GJC2: variants seen among roughly 807,000 people sequenced by gnomAD.
GJC2 encodes the protein gap junction gamma-2 protein.
For missense variants in GJC2, 647 were observed against 648.9 expected (o/e 1.00, Z 0.03); for synonymous variants, 336 against 307.5 (o/e 1.09, Z -0.97).
intron 1 of GJC2, among the ~76,000 whole-genome samples, chr1:228,155,370 A>G (rs1326660019): frequency 6.6e-6 from 1 of 152,204 alleles, no homozygotes; most frequent in Admixed American, 6.5e-5. Context: ...AGTCACAGGC[A>G]GGGCAGGAGT....
chr1:228,155,688 G>T (rs981364995), intron 1 of GJC2, among the ~76,000 whole-genome samples: 1 of 140,398 alleles, frequency 7.1e-6, no homozygotes, highest in Non-Finnish European at 1.7e-5. Context: ...CCACTATGTG[G>T]GTGCAAGTGA....
rs1046663435 is a variant in GJC2 at position 228,150,832 on chromosome 1, C to T, written c.-20+825C>T. Among the ~76,000 whole-genome samples, 6 of 152,030 alleles carry T rather than the reference C, an allele frequency of 3.9e-5. No homozygotes were observed. Among genetic ancestry groups the T allele is most frequent in the South Asian group, 2.1e-4 (1 of 4,828 alleles). The stretch of plus-strand genomic sequence containing the variant: ...GGAAGAGACGGGTTCGTGGATCCTG[C>T]GGGTGGAGGGCAGGGACAGCCTTAG... On this transcript the variant is annotated intron_variant, in intron 1 of 1. Coordinates refer to ENST00000366714, the MANE Select transcript of GJC2 (RefSeq NM_020435.4). This position sits in a 1 kb window ranked among gnomAD's most constrained non-coding sequence, Gnocchi z 4.6.
intron 1 of GJC2, among the ~76,000 whole-genome samples, chr1:228,153,160 C>T (rs1346446206): frequency 6.6e-6 from 1 of 152,036 alleles, no homozygotes; most frequent in African/African-American, 2.4e-5. Flanking sequence ...CTAGACAGTG[C>T]CCACCTCAGC....
In GJC2 at chr1:228,150,188, C is replaced by A. The variant is rs2034595103; in HGVS notation, c.-20+181C>A. Among the ~76,000 whole-genome samples, 1 of 152,186 alleles carries A rather than the reference C, an allele frequency of 6.6e-6. No individual in the cohort carries two copies. The highest frequency in any genetic ancestry group is 2.1e-4 in the South Asian group (1 of 4,836). On this transcript the variant is annotated intron_variant, in intron 1 of 1. Coordinates refer to ENST00000366714, the MANE Select transcript of GJC2 (RefSeq NM_020435.4). This position sits in a 1 kb window ranked among gnomAD's most constrained non-coding sequence, Gnocchi z 4.6. ...CCCTCCTGGGCTCCGCTGCTCCACGCAGATGGTGGGGTGGCCCCCCCACTC... is the reference window on the plus strand; with the variant it reads ...CCCTCCTGGGCTCCGCTGCTCCACGAAGATGGTGGGGTGGCCCCCCCACTC...
chr1:228,154,982 C>A (rs899290784), intron 1 of GJC2, among the ~76,000 whole-genome samples: 1 of 152,202 alleles, frequency 6.6e-6, no homozygotes, highest in Non-Finnish European at 1.5e-5. Flanking sequence ...TGCATTGAGG[C>A]CTTTGCAGGC....
intron 1 of GJC2, among the ~76,000 whole-genome samples, chr1:228,156,589 G>A (rs1385571188): frequency 3.3e-5 from 5 of 152,252 alleles, no homozygotes; most frequent in Non-Finnish European, 4.4e-5. Flanking sequence ...CGGGTGGGGA[G>A]GCCTCAGCTG....
rs2034740792 is a variant in GJC2 at position 228,159,395 on chromosome 1, C to G, written c.*317C>G. ...TGGAATAGGTCCTCTGGGATGCCAGCTCTCCCCTTTGTGCTTCCCTGCAGC... is the reference window on the plus strand; with the variant it reads ...TGGAATAGGTCCTCTGGGATGCCAGGTCTCCCCTTTGTGCTTCCCTGCAGC... On this transcript the variant is annotated 3_prime_UTR_variant, in exon 2 of 2. Coordinates refer to ENST00000366714, the MANE Select transcript of GJC2 (RefSeq NM_020435.4). This position sits in a 1 kb window ranked among gnomAD's most constrained non-coding sequence, Gnocchi z 4.0. 2.7e-6 allele frequency: 1 copy of G among 366,110 alleles called. No individual in the cohort carries two copies. The highest frequency in any genetic ancestry group is 5.2e-6 in the Non-Finnish European group (1 of 191,970). 22.7% of individuals were successfully genotyped at this position (366,110 alleles called of 1,614,324 possible). A position where few individuals can be genotyped will look rare whatever the true frequency, so the allele number is the denominator to read the frequency against.
At position 228,157,736 on chromosome 1, in the gene GJC2, A is replaced by ACCGGGGGGGGGGGG; in HGVS notation, c.-19-3_-19-2insCGGGGGGGGGGGGC. 4.4e-6 allele frequency: 3 copies of ACCGGGGGGGGGGGG among 677,008 alleles called. No individual in the cohort carries two copies. The highest frequency in any genetic ancestry group is 5.4e-6 in the Non-Finnish European group (2 of 369,354). The allele number at this position is 677,008 out of a possible 1,614,324, so 41.9% of individuals were successfully genotyped here. A position where few individuals can be genotyped will look rare whatever the true frequency, so the allele number is the denominator to read the frequency against. ...CCCTGGCTGACCCCTACCCCGCCCC[A>ACCGGGGGGGGGGGG]CAGGACCCGCCCGCCCGCCCCTATG... is the stretch of plus-strand genomic sequence containing the variant. On this transcript the variant is annotated splice_region_variant and splice_polypyrimidine_tract_variant and intron_variant, in intron 1 of 1. Coordinates refer to ENST00000366714, the MANE Select transcript of GJC2 (RefSeq NM_020435.4).
Position 228,150,172 on chromosome 1 carries a change from G to T in GJC2, c.-20+165G>T, listed in dbSNP as rs527647939. Among the ~76,000 whole-genome samples the T allele has an allele frequency of 2.0e-5, 3 of 152,256 alleles. No homozygotes were observed. The South Asian group carries it at 6.2e-4, about 32-fold the overall frequency. On this transcript the variant is annotated intron_variant, in intron 1 of 1. Transcript: ENST00000366714. The surrounding 1 kb of genome is among the most constrained non-coding windows in gnomAD (Gnocchi z 4.6). ...CCTTGCGCCTGCCACCCCCTCCTGG[G>T]CTCCGCTGCTCCACGCAGATGGTGG...
chr1:228,158,083 G>A lies in GJC2; in HGVS notation c.325G>A (p.Glu109Lys), dbSNP rs1227595300. ...VHRLARASEQ[E>K]RRRALRRRPG... is the part of the protein sequence containing the mutation. The stretch of plus-strand genomic sequence containing the variant: ...CCGCCTGGCCCGTGCGTCTGAGCAG[G>A]AGCGGCGCCGCGCCCTCCGCCGCCG... The change falls in exon 2 of 2, where the codon GAG (glutamate) becomes AAG (lysine). Residue 109 changes from glutamate to lysine, a missense_variant. By Grantham distance (56) the Glu-to-Lys change is moderately conservative. Coordinates refer to ENST00000366714, the MANE Select transcript of GJC2 (RefSeq NM_020435.4). This position sits in a 1 kb window ranked among gnomAD's most constrained non-coding sequence, Gnocchi z 8.3. 1.9e-6 allele frequency: 3 copies of A among 1,580,750 alleles called. No individual in the cohort carries two copies. Among genetic ancestry groups the A allele is most frequent in the South Asian group, 2.2e-5 (2 of 89,290 alleles).
At position 228,158,313 on chromosome 1, in the gene GJC2, C is replaced by T. The variant is rs1372431737; in HGVS notation, c.555C>T (p.Asp185=). The change falls in exon 2 of 2, where the codon GAC becomes GAT. Residue 185 remains aspartate (D), a synonymous_variant. Transcript: ENST00000366714. This position sits in a 1 kb window ranked among gnomAD's most constrained non-coding sequence, Gnocchi z 8.3. ...CGTGCACTAAGGCGGTCGGCGCTGA[C>T]GGCAAGGCGGCAGGGACCCCGGGCC... ...EEACTKAVGA[D]GKAAGTPGPT... The T allele has an allele frequency of 6.4e-7, 1 of 1,551,202 alleles. No individual in the cohort carries two copies.
In GJC2 at chr1:228,157,737, C is replaced by CTGGGGGGGGGGGGGG; in HGVS notation, c.-19-3_-19-2insTGGGGGGGGGGGGGG. 1 of 682,660 alleles carries CTGGGGGGGGGGGGGG rather than the reference C, an allele frequency of 1.5e-6. No individual in the cohort carries two copies. The highest frequency in any genetic ancestry group is 2.7e-6 in the Non-Finnish European group (1 of 374,192). The allele number at this position is 682,660 out of a possible 1,614,324, so 42.3% of individuals were successfully genotyped here. On this transcript the variant is annotated splice_region_variant and splice_polypyrimidine_tract_variant and intron_variant, in intron 1 of 1. Coordinates refer to ENST00000366714, the MANE Select transcript of GJC2 (RefSeq NM_020435.4). ...CCTGGCTGACCCCTACCCCGCCCCA[C>CTGGGGGGGGGGGGGG]AGGACCCGCCCGCCCGCCCCTATGA...
rs1441788537 is a variant in GJC2 at position 228,158,782 on chromosome 1, C to A, written c.1024C>A (p.Arg342Ser). ...DYSLVVRAAERARAHDQNLAN... is the reference protein window; with the variant it reads ...DYSLVVRAAESARAHDQNLAN... ...CAGCCTGGTGGTGCGGGCGGCCGAG[C>A]GCGCTCGGGCGCATGACCAGAACCT... Residue 342 changes from arginine to serine, a missense_variant, in exon 2 of 2, where the codon CGC becomes AGC. Arg to Ser is a moderately radical substitution (Grantham distance 110). Coordinates refer to ENST00000366714, the MANE Select transcript of GJC2 (RefSeq NM_020435.4). The surrounding 1 kb of genome is among the most constrained non-coding windows in gnomAD (Gnocchi z 8.3). The A allele has an allele frequency of 2.1e-6, 3 of 1,416,852 alleles. No homozygotes were observed. Among genetic ancestry groups the A allele is most frequent in the African/African-American group, 1.5e-5 (1 of 65,302 alleles). 87.8% of individuals were successfully genotyped at this position (1,416,852 alleles called of 1,614,324 possible).
chr1:228,158,647 G>A lies in GJC2; in HGVS notation c.889G>A (p.Ala297Thr). 1 of 1,585,052 alleles carries A rather than the reference G, an allele frequency of 6.3e-7. No individual in the cohort carries two copies. Among genetic ancestry groups the A allele is most frequent in the Non-Finnish European group, 8.6e-7 (1 of 1,166,844 alleles). Residue 297 changes from alanine to threonine, a missense_variant, in exon 2 of 2, where the codon GCG becomes ACG. By Grantham distance (58) the Ala-to-Thr change is moderately conservative. Coordinates refer to ENST00000366714, the MANE Select transcript of GJC2 (RefSeq NM_020435.4). The surrounding 1 kb of genome is among the most constrained non-coding windows in gnomAD (Gnocchi z 8.3). Reference protein sequence around the residue: ...AHLGLGSAQDAVRGRRGPPAS... With the variant: ...AHLGLGSAQDTVRGRRGPPAS... ...CCTGGGCTTGGGCAGCGCGCAGGAC[G>A]CGGTGCGCGGCCGCCGCGGCCCCCC... is the stretch of plus-strand genomic sequence containing the variant.
At chr1:228,154,298 C>T (rs1030509351) in intron 1 of GJC2, among the ~76,000 whole-genome samples, 5 of 152,168 alleles carry the variant, frequency 3.3e-5, no homozygotes, top group Admixed American at 6.5e-5. Flanking sequence ...TGAACACTGG[C>T]CGGATGTTCT....
At chr1:228,153,967 T>G (rs1216761069) in intron 1 of GJC2, among the ~76,000 whole-genome samples, 2 of 152,040 alleles carry the variant, frequency 1.3e-5, no homozygotes, top group Non-Finnish European at 2.9e-5. Flanking sequence ...GAGGCCAAGG[T>G]GGGAGAATTG....
At position 228,158,686 on chromosome 1, in the gene GJC2, G is replaced by T; in HGVS notation, c.928G>T (p.Ala310Ser). 9.6e-7 allele frequency: 1 copy of T among 1,047,000 alleles called. No individual in the cohort carries two copies. The highest frequency in any genetic ancestry group is 4.4e-5 in the South Asian group (1 of 22,804). The allele number at this position is 1,047,000 out of a possible 1,614,324, so 64.9% of individuals were successfully genotyped here. ...GRRGPPASAP[A>S]PAPRPPPCAF... ...CCGCGGCCCCCCGGCCTCCGCCCCC[G>T]CCCCCGCGCCGCGGCCCCCGCCCTG... The change falls in exon 2 of 2, where the codon GCC becomes TCC. Residue 310 changes from alanine to serine, a missense_variant. By Grantham distance (99) the Ala-to-Ser change is moderately conservative (BLOSUM62 1). Coordinates refer to ENST00000366714, the MANE Select transcript of GJC2 (RefSeq NM_020435.4). The surrounding 1 kb of genome is among the most constrained non-coding windows in gnomAD (Gnocchi z 8.3).
At position 228,159,021 on chromosome 1, in the gene GJC2, T is replaced by G; in HGVS notation, c.1263T>G (p.Ala421=). ...THERPGAKPR[A]GSEKGSASSR... ...AGCGGCCAGGAGCCAAGCCCAGGGC[T>G]GGCTCCGAGAAGGGCAGTGCCAGCA... Residue 421 remains alanine, a synonymous_variant, in exon 2 of 2, where the codon GCT becomes GCG. Coordinates refer to ENST00000366714, the MANE Select transcript of GJC2 (RefSeq NM_020435.4). This position sits in a 1 kb window ranked among gnomAD's most constrained non-coding sequence, Gnocchi z 4.0. 1 of 1,608,810 alleles carries G rather than the reference T, an allele frequency of 6.2e-7. No individual in the cohort carries two copies. Among genetic ancestry groups the G allele is most frequent in the Non-Finnish European group, 8.5e-7 (1 of 1,179,126 alleles).
chr1:228,157,906 G>A lies in GJC2; in HGVS notation c.148G>A (p.Glu50Lys), dbSNP rs1255327063. 1 of 1,612,734 alleles carries A rather than the reference G, an allele frequency of 6.2e-7. No individual in the cohort carries two copies. The highest frequency in any genetic ancestry group is 2.2e-5 in the East Asian group (1 of 44,872). The change falls in exon 2 of 2, where the codon GAG becomes AAG. Residue 50 changes from glutamate (E) to lysine (K), a missense_variant. Glu to Lys is a moderately conservative substitution (Grantham distance 56, BLOSUM62 1). Coordinates refer to ENST00000366714, the MANE Select transcript of GJC2 (RefSeq NM_020435.4). ...AVGGEAIYSDEQAKFTCNTRQ... is the reference protein window; with the variant it reads ...AVGGEAIYSDKQAKFTCNTRQ... ...GGGCGGCGAGGCCATCTACTCGGAC[G>A]AGCAGGCCAAGTTCACTTGCAACAC...
Sources: allele counts gnomAD v4.1 joint callset (sites outside exome capture counted in the v4.1 genomes callset), GRCh38; gene constraint gnomAD v4.1.1; non-coding constraint Gnocchi (gnomAD v3.1); transcripts MANE v1.5; gene names NCBI Gene and HGNC (gene_info 2026-07-23, HGNC 2026-07-21).